PHACTR4: variants seen among roughly 807,000 people sequenced by gnomAD.
PHACTR4 encodes protein phosphatase 1, regulatory subunit 124.
A neutral mutation model predicts 72.7 loss-of-function variants in PHACTR4; 51 were observed. The observed-to-expected ratio is 0.70, with a 90% CI of 0.56 to 0.89. PHACTR4 has a LOEUF of 0.89. Ranked by LOEUF, PHACTR4 falls within the 40% of genes least tolerant of loss-of-function variation. The pLI is 0.00. For missense variants in PHACTR4, 731 were observed against 861.8 expected (o/e 0.85, Z 1.90); for synonymous variants, 255 against 302.5 (o/e 0.84, Z 1.63).
intron 2 of PHACTR4, among the ~76,000 whole-genome samples, chr1:28,441,328 C>T (rs1657014143): frequency 6.6e-6 from 1 of 151,884 alleles, no homozygotes; most frequent in Admixed American, 6.6e-5. Context: ...ATCCTCCCAC[C>T]TCGGGCTCCC....
chr1:28,468,295 C>T (rs971078546), intron 6 of PHACTR4, among the ~76,000 whole-genome samples: 2 of 152,226 alleles, frequency 1.3e-5, no homozygotes, highest in South Asian at 2.1e-4. Context: ...CATTGTGACT[C>T]ATTCAAGGTT....
At chr1:28,452,228 A>G (rs1658030781) in intron 2 of PHACTR4, among the ~76,000 whole-genome samples, 1 of 152,140 alleles carries the variant, frequency 6.6e-6, no homozygotes, top group Admixed American at 6.5e-5. Flanking sequence ...CAGGCAGACC[A>G]GATGTGGTGG....
chr1:28,419,742 A>G (rs1478776284), intron 2 of PHACTR4, among the ~76,000 whole-genome samples: 2 of 152,202 alleles, frequency 1.3e-5, no homozygotes, highest in Non-Finnish European at 2.9e-5. Context: ...GGAATAGGAT[A>G]ATGTATTTTT....
chr1:28,479,718 C>T lies in PHACTR4; in HGVS notation c.1607-733C>T, dbSNP rs553516931. Among the ~76,000 whole-genome samples, 10 of 151,398 alleles carry T rather than the reference C, an allele frequency of 6.6e-5. No individual in the cohort carries two copies. In the East Asian group the frequency reaches 1.7e-3, roughly 26 times the overall value. On this transcript the variant is annotated intron_variant, in intron 8 of 13. Coordinates refer to ENST00000373839, the MANE Select transcript of PHACTR4 (RefSeq NM_001048183.3). ...TGGCCAACATAACGAAACCCGAAACCCGGTGTCTACTAAAAATACAAAAAA... is the reference window on the plus strand; with the variant it reads ...TGGCCAACATAACGAAACCCGAAACTCGGTGTCTACTAAAAATACAAAAAA...
intron 1 of PHACTR4, among the ~76,000 whole-genome samples, chr1:28,406,015 A>G (rs915785864): frequency 1.3e-5 from 2 of 152,222 alleles, no homozygotes; most frequent in Non-Finnish European, 1.5e-5. Context: ...CTGGCCAACC[A>G]TAACTTCTAT....
At chr1:28,414,427 CAAAAAAAA>C (rs765271793) in intron 2 of PHACTR4, among the ~76,000 whole-genome samples, 1 of 61,252 alleles carries the variant, frequency 1.6e-5, no homozygotes, top group South Asian at 7.0e-4. Flanking sequence ...TCCTCTGTCT[CAAAAAAAA>C]AAAAAAAAAA....
At position 28,499,462 on chromosome 1, in the gene PHACTR4, A is replaced by ATTTGTTTTGTTTTGT. The variant is rs56375922; in HGVS notation, c.*2932_*2946dup. The ATTTGTTTTGTTTTGT allele has an allele frequency of 0.011, 1,569 of 149,238 alleles. 9 individuals are homozygous for ATTTGTTTTGTTTTGT. Among genetic ancestry groups the ATTTGTTTTGTTTTGT allele is most frequent in the African/African-American group, 0.015 (605 of 40,034 alleles). 9.2% of individuals were successfully genotyped at this position (149,238 alleles called of 1,614,324 possible). On this transcript the variant is annotated 3_prime_UTR_variant, in exon 14 of 14. Transcript: ENST00000373839. ...CCTTGAAGTTTTTTGTTTGGTTTTG[A>ATTTGTTTTGTTTTGT]TTTGTTTTGTTTTGTTTTGTTTTGT...
At chr1:28,466,345 T>C in intron 5 of PHACTR4, 37 bp from the exon 6 acceptor site, 1 of 1,561,810 alleles carries the variant, frequency 6.4e-7, no homozygotes, top group Non-Finnish European at 8.7e-7. Flanking sequence ...CTTGTTACTC[T>C]CTCTTCCCTT....
At chr1:28,476,399 T>A in intron 8 of PHACTR4, 108 bp downstream of exon 8, 1 of 1,148,264 alleles carries the variant, frequency 8.7e-7, no homozygotes, top group African/African-American at 1.6e-5. Flanking sequence ...CTTCTCCCAT[T>A]AAGTCATCTG....
chr1:28,409,451 T>C (rs1654606648), intron 2 of PHACTR4, among the ~76,000 whole-genome samples: 1 of 152,164 alleles, frequency 6.6e-6, no homozygotes, highest in Non-Finnish European at 1.5e-5. Flanking sequence ...AACCATAACA[T>C]TGACTAGGAA....
At chr1:28,380,505 C>T (rs1652081308) in intron 1 of PHACTR4, among the ~76,000 whole-genome samples, 1 of 152,148 alleles carries the variant, frequency 6.6e-6, no homozygotes, top group African/African-American at 2.4e-5. Context: ...TCTCCCTGCT[C>T]CCATCCTCTA....
intron 2 of PHACTR4, among the ~76,000 whole-genome samples, chr1:28,445,985 A>G (rs1270795248): frequency 1.3e-5 from 2 of 151,612 alleles, no homozygotes; most frequent in Non-Finnish European, 2.9e-5. Flanking sequence ...ACATAGCTAC[A>G]TAACAACAAT....
chr1:28,375,203 G>A (rs1651552388), intron 1 of PHACTR4, among the ~76,000 whole-genome samples: 2 of 152,128 alleles, frequency 1.3e-5, no homozygotes, highest in Non-Finnish European at 2.9e-5. Flanking sequence ...GGAGGCTGAG[G>A]CATGAGACTT....
intron 2 of PHACTR4, among the ~76,000 whole-genome samples, chr1:28,423,333 A>G (rs1290641451): frequency 1.3e-5 from 2 of 152,172 alleles, no homozygotes; most frequent in South Asian, 2.1e-4. Flanking sequence ...TGTTTAAGCC[A>G]GGGAGGTCGA....
At chr1:28,415,858 T>A (rs1313809694) in intron 2 of PHACTR4, among the ~76,000 whole-genome samples, 3 of 152,250 alleles carry the variant, frequency 2.0e-5, no homozygotes. Flanking sequence ...AGTAGTTTGT[T>A]AAGGTAGCAA....
At chr1:28,489,421 T>C (rs1457217479) in intron 10 of PHACTR4, among the ~76,000 whole-genome samples, 196 bp downstream of exon 10, 1 of 152,216 alleles carries the variant, frequency 6.6e-6, no homozygotes, top group Non-Finnish European at 1.5e-5. Flanking sequence ...TGGTATTGTT[T>C]AGTGTGCTGT....
chr1:28,480,554 CAAG>C lies in PHACTR4; in HGVS notation c.1711_1713del (p.Lys571del), dbSNP rs1266190762. On this transcript the variant is annotated inframe_deletion, in exon 9 of 14. Transcript: ENST00000373839. ...ACCTGAATTCTTGGCCTTGTAAAAG[CAAG>C]GAGGAGTGGAATGAAATACGGCACC... is the stretch of plus-strand genomic sequence containing the variant. 1.9e-6 allele frequency: 3 copies of C among 1,614,132 alleles called. No individual in the cohort carries two copies. Among genetic ancestry groups the C allele is most frequent in the East Asian group, 4.5e-5 (2 of 44,876 alleles).
intron 1 of PHACTR4, among the ~76,000 whole-genome samples, chr1:28,405,940 C>T (rs1364118464): frequency 6.6e-6 from 1 of 151,900 alleles, no homozygotes; most frequent in Non-Finnish European, 1.5e-5. Flanking sequence ...TAGCACAGAA[C>T]CCAGATTTCT....
chr1:28,423,126 G>A (rs1472090895), intron 2 of PHACTR4, among the ~76,000 whole-genome samples: 4 of 151,314 alleles, frequency 2.6e-5, no homozygotes, highest in African/African-American at 9.7e-5. Context: ...AGAGAGTATA[G>A]ATAGGGCTGG....
Sources: gnomAD v4.1 joint callset for allele counts (sites outside exome capture counted in the v4.1 genomes callset) on GRCh38, gnomAD v4.1.1 for gene constraint, MANE v1.5 for transcripts, NCBI Gene and HGNC (gene_info 2026-07-23, HGNC 2026-07-21) for gene names.